The following EIF2A variants were observed in gnomAD, a reference collection of about 807,000 sequenced individuals.
EIF2A encodes the protein 65 kDa eukaryotic translation initiation factor 2A.
In EIF2A, 62 loss-of-function variants were observed where a neutral mutation model predicts 75.2. That is an observed-to-expected ratio of 0.82 (90% confidence interval 0.67 to 1.02). EIF2A has a LOEUF of 1.02. EIF2A is among the 50% of genes least tolerant of loss of function. The pLI, the probability that EIF2A is intolerant of heterozygous loss-of-function variation, is 0.00. For missense variants in EIF2A, 611 were observed against 677.7 expected (o/e 0.90, Z 1.09); for synonymous variants, 207 against 239.0 (o/e 0.87, Z 1.23).
chr3:150,585,037 CTG>C lies in EIF2A; in HGVS notation c.*1128_*1129del, dbSNP rs1725395688. Among the ~76,000 whole-genome samples, 1 of 151,890 alleles carries C rather than the reference CTG, an allele frequency of 6.6e-6. No homozygotes were observed. The highest frequency in any genetic ancestry group is 1.5e-5 in the Non-Finnish European group (1 of 67,990). ...AAAAAAAAAAGATGGCATATACTAACTGTTCTGTTTGGGGCTTTTTGGTGGTG... is the reference window on the plus strand; with the variant it reads ...AAAAAAAAAAGATGGCATATACTAACTTCTGTTTGGGGCTTTTTGGTGGTG... On this transcript the variant is annotated 3_prime_UTR_variant, in exon 14 of 14. Transcript: ENST00000460851.
At chr3:150,554,088 A>G (rs896546918) in intron 2 of EIF2A, among the ~76,000 whole-genome samples, 1 of 152,040 alleles carries the variant, frequency 6.6e-6, no homozygotes, top group African/African-American at 2.4e-5. Flanking sequence ...AAGCTATAAA[A>G]GACTAATGAG....
chr3:150,565,168 A>G (rs1422420242), intron 6 of EIF2A: 1 of 456,536 alleles, frequency 2.2e-6, no homozygotes, highest in Non-Finnish European at 4.4e-6. Flanking sequence ...TAACATGTTC[A>G]TCTGTCCCCT....
chr3:150,576,575 G>C (rs1724884912), intron 11 of EIF2A, among the ~76,000 whole-genome samples: 1 of 152,192 alleles, frequency 6.6e-6, no homozygotes, highest in African/African-American at 2.4e-5. Context: ...GGTGACAAAA[G>C]AAACTGGACT....
intron 11 of EIF2A, among the ~76,000 whole-genome samples, chr3:150,576,439 A>T (rs4681208): frequency 0.11 from 16,900 of 152,184 alleles, 1,217 homozygotes; most frequent in Non-Finnish European, 0.16. Context: ...CGAAAAAAAA[A>T]GAAAAAAAGC....
In EIF2A at chr3:150,585,113, T is replaced by C. The variant is rs1431109395; in HGVS notation, c.*1202T>C. Among the ~76,000 whole-genome samples the C allele has an allele frequency of 6.6e-6, 1 of 152,170 alleles. No homozygotes were observed. Among genetic ancestry groups the C allele is most frequent in the Admixed American group, 6.5e-5 (1 of 15,278 alleles). On this transcript the variant is annotated 3_prime_UTR_variant, in exon 14 of 14. Coordinates refer to ENST00000460851, the MANE Select transcript of EIF2A (RefSeq NM_032025.5). The stretch of plus-strand genomic sequence containing the variant: ...TCTGCCTCCCAGGTTGGAGTGCACC[T>C]TGAACTCCTGGACTCAAGTGATCCT...
intron 2 of EIF2A, 133 bp from the exon 3 acceptor site, chr3:150,558,255 T>G: frequency 1.4e-6 from 1 of 727,156 alleles, no homozygotes; most frequent in East Asian, 3.5e-5. Flanking sequence ...GATGAAAGCA[T>G]TTTGGAATTT....
intron 10 of EIF2A, 110 bp downstream of exon 10, chr3:150,572,639 G>A (rs1724604450): frequency 2.8e-6 from 3 of 1,065,468 alleles, no homozygotes; most frequent in Middle Eastern, 2.8e-4. Context: ...AGGATCACTT[G>A]AGGTCAGGAG....
intron 9 of EIF2A, among the ~76,000 whole-genome samples, chr3:150,568,993 A>C (rs1724351176): frequency 6.6e-6 from 1 of 152,236 alleles, no homozygotes; most frequent in African/African-American, 2.4e-5. Context: ...ATAGTTTTAA[A>C]ATACTGATAG....
chr3:150,551,285 A>G (rs1723301821), intron 1 of EIF2A, among the ~76,000 whole-genome samples: 1 of 152,186 alleles, frequency 6.6e-6, no homozygotes, highest in African/African-American at 2.4e-5. Flanking sequence ...ATGAGGTCAG[A>G]GACAAGGCTG....
In EIF2A at chr3:150,550,079, T is replaced by C. The variant is rs139757378; in HGVS notation, c.29-2277T>C. ...AAAGGCTAGTAAGCTTGGAAAAGAT[T>C]ATGTAGATGTTTAATGTATTTCACA... is the stretch of plus-strand genomic sequence containing the variant. On this transcript the variant is annotated intron_variant, in intron 1 of 13. Transcript: ENST00000460851. 5.6e-4 allele frequency among the ~76,000 whole-genome samples: 86 copies of C among 152,278 alleles called. 1 individual carries two copies. Among genetic ancestry groups the C allele is most frequent in the African/African-American group, 1.8e-3 (75 of 41,560 alleles).
Position 150,572,385 on chromosome 3 carries a change from G to A in EIF2A, c.1239G>A (p.Trp413Ter), listed in dbSNP as rs766347250. The A allele has an allele frequency of 6.2e-7, 1 of 1,613,882 alleles. No individual in the cohort carries two copies. Among genetic ancestry groups the A allele is most frequent in the East Asian group, 2.2e-5 (1 of 44,878 alleles). ...ATGCAGAATTATGGCAGGTTTCTTGGCAGCCATTTTTGGATGGAATATTTC... is the reference window on the plus strand; with the variant it reads ...ATGCAGAATTATGGCAGGTTTCTTGACAGCCATTTTTGGATGGAATATTTC... ...PSNAELWQVS[W>*]QPFLDGIFPA... The change falls in exon 10 of 14, where the codon TGG becomes TGA. Residue 413 changes from tryptophan to a stop codon, truncating the protein, a stop_gained. Transcript: ENST00000460851. LOFTEE classifies it high-confidence loss of function.
intron 6 of EIF2A, 121 bp downstream of exon 6, chr3:150,564,502 T>A: frequency 1.5e-6 from 1 of 650,022 alleles, no homozygotes; most frequent in Non-Finnish European, 2.4e-6. Context: ...ATAATTACTC[T>A]TACATACATT....
chr3:150,556,258 T>G (rs1285956701), intron 2 of EIF2A, among the ~76,000 whole-genome samples: 1 of 152,186 alleles, frequency 6.6e-6, no homozygotes, highest in Non-Finnish European at 1.5e-5. Context: ...AGAGAGATAT[T>G]TATGTGTCTC....
rs762807668 is a variant in EIF2A, at chr3:150,572,274, A to C, written c.1128A>C (p.Thr376=). 6.2e-7 allele frequency: 1 copy of C among 1,613,966 alleles called. No individual in the cohort carries two copies. The highest frequency in any genetic ancestry group is 2.2e-5 in the East Asian group (1 of 44,882). Residue 376 remains threonine (T), a synonymous_variant, in exon 10 of 14, where the codon ACA becomes ACC. Transcript: ENST00000460851. ...ATGGTGAGCATATTTTAACAGCTAC[A>C]TGTGCTCCCAGGTTACGGGTTAATA... ...CPDGEHILTA[T]CAPRLRVNNG...
intron 11 of EIF2A, among the ~76,000 whole-genome samples, chr3:150,578,619 A>T (rs935532525): frequency 6.6e-6 from 1 of 152,110 alleles, no homozygotes; most frequent in South Asian, 2.1e-4. Flanking sequence ...TTTACTAAAG[A>T]TGATACCAAA....
In EIF2A at chr3:150,564,319, A is replaced by G; in HGVS notation, c.413A>G (p.Asp138Gly). Residue 138 changes from aspartate to glycine, a missense_variant, in exon 6 of 14, where the codon GAT becomes GGT. Transcript: ENST00000460851. ...CATAGGTGTCCATCCTGGTCAGAAG[A>G]TGAAACTCTTTGTGCCCGCAATGTT... ...MQNWCPSWSE[D>G]ETLCARNVNN... 6.3e-7 allele frequency: 1 copy of G among 1,597,056 alleles called. No homozygotes were observed. The highest frequency in any genetic ancestry group is 8.5e-7 in the Non-Finnish European group (1 of 1,173,804).
In EIF2A at chr3:150,581,707, G is replaced by A. The variant is rs1243249022; in HGVS notation, c.1587G>A (p.Gly529=). ...ACACTGTCTCTCAGTCAATTTCTGG[G>A]GACCCTGAGATAGACAAAAAAATCA... ...PRNTVSQSIS[G]DPEIDKKIKN... is the part of the protein sequence containing the mutation. The change falls in exon 12 of 14, where the codon GGG becomes GGA. Residue 529 remains glycine (G), a synonymous_variant. Transcript: ENST00000460851. 1 of 1,555,526 alleles carries A rather than the reference G, an allele frequency of 6.4e-7. No individual in the cohort carries two copies. Among genetic ancestry groups the A allele is most frequent in the Non-Finnish European group, 8.7e-7 (1 of 1,148,974 alleles).
chr3:150,550,821 C>T (rs567625892), intron 1 of EIF2A, among the ~76,000 whole-genome samples: 22 of 152,322 alleles, frequency 1.4e-4, no homozygotes, highest in South Asian at 4.1e-4. Context: ...CATGTGCCAC[C>T]GTGCCCAGCT....
At position 150,564,203 on chromosome 3, in the gene EIF2A, A is replaced by G. The variant is rs537736941; in HGVS notation, c.393-96A>G. On this transcript the variant is annotated intron_variant, in intron 5 of 13. Transcript: ENST00000460851. Reference sequence around the variant, plus strand: ...AGTGTTTATAAGTGTTTTTCCTTAAATGGTAACCAATATCATAAATTACTT... The same window carrying G: ...AGTGTTTATAAGTGTTTTTCCTTAAGTGGTAACCAATATCATAAATTACTT... 8.3e-5 allele frequency: 76 copies of G among 919,584 alleles called. No homozygotes were observed. In the African/African-American group the frequency reaches 1.2e-3, roughly 15 times the overall value. The allele number at this position is 919,584 out of a possible 1,614,324, so 57.0% of individuals were successfully genotyped here.
Sources: allele counts gnomAD v4.1 joint callset (sites outside exome capture counted in the v4.1 genomes callset), GRCh38; gene constraint gnomAD v4.1.1; transcripts MANE v1.5; gene names NCBI Gene and HGNC (gene_info 2026-07-23, HGNC 2026-07-21).